The following SGCZ variants were observed in gnomAD, a reference collection of about 807,000 sequenced individuals.
The protein encoded by SGCZ is sarcoglycan zeta.
SGCZ carries 40 observed loss-of-function variants against 41.3 expected under a neutral mutation model. The ratio of observed to expected loss-of-function variants is 0.97; its 90% CI spans 0.75 to 1.26. The LOEUF (loss-of-function observed/expected upper bound fraction) is 1.26, where lower values mean the gene tolerates loss of function less well. SGCZ is among the 50% of genes most tolerant of loss of function. The pLI, the probability that SGCZ is intolerant of heterozygous loss-of-function variation, is 0.00. For synonymous variants in SGCZ, 206 were observed against 137.5 expected, an observed-to-expected ratio of 1.50 and a Z score of -3.49; for missense variants, 552 against 369.8, an observed-to-expected ratio of 1.49 and a Z score of -4.04.
At chr8:14,927,239 G>T (rs914836218) in intron 1 of SGCZ, among the ~76,000 whole-genome samples, 1 of 151,356 alleles carries the variant, frequency 6.6e-6, no homozygotes, top group African/African-American at 2.4e-5. Context: ...CTCCGGAGCA[G>T]CTGGGACTAC....
chr8:14,985,097 G>A (rs935035969), intron 1 of SGCZ, among the ~76,000 whole-genome samples: 3 of 152,080 alleles, frequency 2.0e-5, no homozygotes, highest in East Asian at 1.9e-4. Flanking sequence ...GGTCAAATAC[G>A]AAAGAATGAC....
chr8:14,422,110 G>T (rs762907918), intron 2 of SGCZ, among the ~76,000 whole-genome samples: 26 of 152,040 alleles, frequency 1.7e-4, no homozygotes, highest in Non-Finnish European at 3.5e-4. Flanking sequence ...TTAACAGTGG[G>T]TTCATTCAAA....
intron 2 of SGCZ, among the ~76,000 whole-genome samples, chr8:14,551,852 T>C (rs1190486081): frequency 6.9e-6 from 1 of 144,884 alleles, no homozygotes; most frequent in African/African-American, 2.8e-5. Flanking sequence ...ATATCAATCA[T>C]ATACATCATG....
intron 2 of SGCZ, among the ~76,000 whole-genome samples, chr8:14,435,621 T>C (rs1585509186): frequency 2.0e-5 from 3 of 152,328 alleles, no homozygotes; most frequent in East Asian, 3.9e-4. Context: ...TACTATAATA[T>C]ATATGTACAG....
At chr8:14,956,522 A>G (rs1585411324) in intron 1 of SGCZ, among the ~76,000 whole-genome samples, 1 of 152,186 alleles carries the variant, frequency 6.6e-6, no homozygotes, top group African/African-American at 2.4e-5. Context: ...TAAACAGGAT[A>G]GTTTTCATAT....
At chr8:14,577,146 A>G (rs1804735939) in intron 1 of SGCZ, among the ~76,000 whole-genome samples, 2 of 152,234 alleles carry the variant, frequency 1.3e-5, no homozygotes, top group African/African-American at 4.8e-5. Context: ...TTTGCATTTG[A>G]GAAATACCAA....
At position 14,587,388 on chromosome 8, in the gene SGCZ, A is replaced by G. The variant is rs1310075497; in HGVS notation, c.40-32462T>C. Among the ~76,000 whole-genome samples the G allele has an allele frequency of 2.7e-5, 4 of 146,100 alleles. No homozygotes were observed. In the Admixed American group the frequency reaches 2.7e-4, roughly 10 times the overall value. ...GCATTTGGAGCTAAAAAAAAAAAAA[A>G]AGTTTGGGTGTTGTGGCTCACAGAT... On this transcript the variant is annotated intron_variant, in intron 1 of 7. Coordinates refer to ENST00000382080, the MANE Select transcript of SGCZ (RefSeq NM_139167.4).
chr8:15,151,074 A>T (rs1799166938), intron 1 of SGCZ, among the ~76,000 whole-genome samples: 3 of 152,258 alleles, frequency 2.0e-5, no homozygotes, highest in Admixed American at 1.3e-4. Context: ...AGACACACAT[A>T]CACACTCACG....
At chr8:14,468,207 G>A (rs996179202) in intron 2 of SGCZ, among the ~76,000 whole-genome samples, 2 of 151,862 alleles carry the variant, frequency 1.3e-5, no homozygotes, top group African/African-American at 4.8e-5. Flanking sequence ...GAGTTCATCA[G>A]CATAATACAG....
At position 14,988,215 on chromosome 8, in the gene SGCZ, CA is replaced by C. The variant is rs35495758; in HGVS notation, c.39+249369del. Reference sequence around the variant, plus strand: ...TATAATATTCATTTAGTAATATTAACAAAAATCAATCATATCCAATATAAAG... The same window carrying C: ...TATAATATTCATTTAGTAATATTAACAAAATCAATCATATCCAATATAAAG... On this transcript the variant is annotated intron_variant, in intron 1 of 7. Transcript: ENST00000382080. Among the ~76,000 whole-genome samples the C allele has an allele frequency of 7.1e-3, 1,072 of 151,736 alleles. 17 individuals are homozygous for C. The highest frequency in any genetic ancestry group is 0.025 in the African/African-American group (1,031 of 41,430).
intron 7 of SGCZ, among the ~76,000 whole-genome samples, chr8:14,102,098 ATATAT>A (rs1450247542): frequency 1.7e-5 from 2 of 118,976 alleles, no homozygotes; most frequent in African/African-American, 6.4e-5. Context: ...ATATATATAT[ATATAT>A]AATTTTTTTT....
chr8:15,203,213 T>C (rs1800953060), intron 1 of SGCZ, among the ~76,000 whole-genome samples: 1 of 152,206 alleles, frequency 6.6e-6, no homozygotes, highest in Admixed American at 6.5e-5. Context: ...TTGTATTCTT[T>C]CCAAATCTCA....
intron 1 of SGCZ, among the ~76,000 whole-genome samples, chr8:14,567,533 G>A (rs1434290991): frequency 1.3e-5 from 2 of 152,122 alleles, no homozygotes; most frequent in Non-Finnish European, 2.9e-5. Context: ...AAACCAATCG[G>A]CTCTCTGTAA....
intron 2 of SGCZ, among the ~76,000 whole-genome samples, chr8:14,541,715 C>A (rs1433993114): frequency 6.6e-6 from 1 of 152,104 alleles, no homozygotes; most frequent in Non-Finnish European, 1.5e-5. Context: ...ACACTGTCTT[C>A]CACAATGGTT....
intron 1 of SGCZ, among the ~76,000 whole-genome samples, chr8:14,913,375 GAGTCAAGTT>G (rs1267746802): frequency 6.6e-6 from 1 of 152,032 alleles, no homozygotes; most frequent in Non-Finnish European, 1.5e-5. Context: ...TGGTCTTAGA[GAGTCAAGTT>G]AAATAAATTT....
At chr8:15,147,092 G>C (rs1363383821) in intron 1 of SGCZ, among the ~76,000 whole-genome samples, 2 of 152,034 alleles carry the variant, frequency 1.3e-5, no homozygotes, top group Non-Finnish European at 2.9e-5. Flanking sequence ...ATACATCATT[G>C]AAAATATTAA....
At chr8:14,124,552 G>C (rs1454054171) in intron 5 of SGCZ, among the ~76,000 whole-genome samples, 2 of 152,138 alleles carry the variant, frequency 1.3e-5, no homozygotes, top group Non-Finnish European at 2.9e-5. Context: ...TGCAGATGAA[G>C]ATTATATTAC....
At chr8:14,875,546 C>T (rs971916541) in intron 1 of SGCZ, among the ~76,000 whole-genome samples, 3 of 152,156 alleles carry the variant, frequency 2.0e-5, no homozygotes, top group Non-Finnish European at 4.4e-5. Context: ...GAGAACAATA[C>T]GAAAAGCACG....
chr8:14,995,637 G>T (rs1802189976), intron 1 of SGCZ, among the ~76,000 whole-genome samples: 1 of 152,170 alleles, frequency 6.6e-6, no homozygotes, highest in African/African-American at 2.4e-5. Context: ...TTGAGAGAAA[G>T]GAGGCGTGTC....
Sources: allele counts gnomAD v4.1 joint callset (sites outside exome capture counted in the v4.1 genomes callset), GRCh38; gene constraint gnomAD v4.1.1; transcripts MANE v1.5; gene names NCBI Gene and HGNC (gene_info 2026-07-23, HGNC 2026-07-21).